PIK3C2A: variants seen among roughly 807,000 people sequenced by gnomAD.
PIK3C2A encodes the protein phosphatidylinositol-4-phosphate 3-kinase catalytic subunit type 2 alpha.
Under a neutral mutation model 204.5 loss-of-function variants are expected in PIK3C2A, and 97 were observed. The ratio of observed to expected loss-of-function variants is 0.47; its 90% confidence interval spans 0.40 to 0.56. The LOEUF (loss-of-function observed/expected upper bound fraction) is 0.56. PIK3C2A is among the 20% of genes least tolerant of loss of function. The pLI is 0.00. For missense variants in PIK3C2A, 1,735 were observed against 1,969.2 expected, an observed-to-expected ratio of 0.88 and a Z score of 2.25; for synonymous variants, 653 against 664.4, an observed-to-expected ratio of 0.98 and a Z score of 0.26.
At chr11:17,140,693 T>C (rs532454613) in intron 8 of PIK3C2A, among the ~76,000 whole-genome samples, 1 of 152,268 alleles carries the variant, frequency 6.6e-6, no homozygotes, top group East Asian at 1.9e-4. Context: ...GGAAACTTTT[T>C]TGGGAGTGAT....
At chr11:17,111,886 A>C (rs1438212504) in intron 21 of PIK3C2A, among the ~76,000 whole-genome samples, 17 of 150,578 alleles carry the variant, frequency 1.1e-4, no homozygotes, top group Admixed American at 2.6e-4. Flanking sequence ...CCAAAACAAA[A>C]AAAAAAAAAA....
At chr11:17,121,318 T>C (rs114031798) in intron 15 of PIK3C2A, among the ~76,000 whole-genome samples, 163 of 151,564 alleles carry the variant, frequency 1.1e-3, no homozygotes, top group African/African-American at 3.7e-3. Flanking sequence ...GGTCTCACTA[T>C]ATTGTCAGTG....
intron 1 of PIK3C2A, among the ~76,000 whole-genome samples, chr11:17,205,107 G>C (rs1852519457): frequency 6.6e-6 from 1 of 151,766 alleles, no homozygotes; most frequent in Non-Finnish European, 1.5e-5. Context: ...AACCCAGAAG[G>C]CAAAAGTTTC....
intron 6 of PIK3C2A, among the ~76,000 whole-genome samples, chr11:17,146,637 C>T (rs1027270944): frequency 6.6e-6 from 1 of 151,576 alleles, no homozygotes; most frequent in Non-Finnish European, 1.5e-5. Flanking sequence ...ATGAGAATCG[C>T]TTGAGGGTGG....
chr11:17,097,108 C>A lies in PIK3C2A; in HGVS notation c.4275G>T (p.Lys1425Asn). The change falls in exon 27 of 33, where the codon AAG becomes AAT. Residue 1425 changes from lysine to asparagine, a missense_variant. Transcript: ENST00000691414. ...TYSFRQDGRI[K>N]EVSVFTYHKK... Reference sequence around the variant, plus strand: ...TATGATATGTAAAAACAGAGACTTCCTTGATTCGACCATCTTGTCTAAAGG... The same window carrying A: ...TATGATATGTAAAAACAGAGACTTCATTGATTCGACCATCTTGTCTAAAGG... 6.2e-7 allele frequency: 1 copy of A among 1,608,482 alleles called. No individual in the cohort carries two copies. Among genetic ancestry groups the A allele is most frequent in the Non-Finnish European group, 8.5e-7 (1 of 1,174,974 alleles).
chr11:17,181,432 T>C (rs1006552699), intron 1 of PIK3C2A, among the ~76,000 whole-genome samples: 13 of 151,432 alleles, frequency 8.6e-5, no homozygotes, highest in African/African-American at 3.2e-4. Context: ...CAATAAAACT[T>C]AGAAACAGGT....
At chr11:17,175,666 A>C (rs547182921) in intron 1 of PIK3C2A, among the ~76,000 whole-genome samples, 2 of 152,332 alleles carry the variant, frequency 1.3e-5, no homozygotes, top group Middle Eastern at 3.4e-3. Flanking sequence ...GAAGATCACA[A>C]GGCTGTAGCT....
At chr11:17,158,062 A>G (rs887002079) in intron 2 of PIK3C2A, among the ~76,000 whole-genome samples, 2 of 152,076 alleles carry the variant, frequency 1.3e-5, no homozygotes, top group Admixed American at 1.3e-4. Flanking sequence ...AAATCTATTA[A>G]TTTTTGGCTG....
intron 2 of PIK3C2A, among the ~76,000 whole-genome samples, chr11:17,158,081 G>C (rs1305299584): frequency 6.6e-6 from 1 of 152,128 alleles, no homozygotes; most frequent in Non-Finnish European, 1.5e-5. Context: ...TGGGCACGGT[G>C]GCTCATGCCT....
intron 1 of PIK3C2A, among the ~76,000 whole-genome samples, chr11:17,207,328 T>C (rs1280317229): frequency 6.6e-6 from 1 of 151,090 alleles, no homozygotes; most frequent in African/African-American, 2.4e-5. Flanking sequence ...GCGGTGGGAG[T>C]GGGGGGTCCG....
At chr11:17,143,512 T>C (rs1376592543) in intron 8 of PIK3C2A, among the ~76,000 whole-genome samples, 1 of 152,022 alleles carries the variant, frequency 6.6e-6, no homozygotes, top group Admixed American at 6.6e-5. Context: ...GCCAACTTTT[T>C]CTGTACAGGG....
chr11:17,156,030 A>G (rs569321531), intron 2 of PIK3C2A, among the ~76,000 whole-genome samples: 76 of 152,200 alleles, frequency 5.0e-4, no homozygotes, highest in Non-Finnish European at 7.9e-4. Context: ...CTATATATTC[A>G]ACTAGGACCC....
chr11:17,149,088 T>C (rs1437007162), intron 4 of PIK3C2A, among the ~76,000 whole-genome samples: 2 of 152,162 alleles, frequency 1.3e-5, no homozygotes, highest in African/African-American at 4.8e-5. Context: ...AAAAACTGCA[T>C]CTGTACTGAA....
chr11:17,156,365 G>A (rs948686847), intron 2 of PIK3C2A, among the ~76,000 whole-genome samples: 2 of 152,138 alleles, frequency 1.3e-5, no homozygotes, highest in African/African-American at 4.8e-5. Flanking sequence ...AGATTTCAAT[G>A]ACTATGGCAC....
At chr11:17,141,312 C>T (rs1850058268) in intron 8 of PIK3C2A, 2 of 146,578 alleles carry the variant, frequency 1.4e-5, no homozygotes. Context: ...GTCTCATTCA[C>T]CCAGACTGGA....
At position 17,093,465 on chromosome 11, in the gene PIK3C2A, C is replaced by T. The variant is rs1442489959; in HGVS notation, c.4451+796G>A. On this transcript the variant is annotated intron_variant, in intron 28 of 32. Transcript: ENST00000691414. ...GTATTTTTTAGAAGAGACGGTTCACCGTGTTAGCCAGGATGGTCTCCATCT... is the reference window on the plus strand; with the variant it reads ...GTATTTTTTAGAAGAGACGGTTCACTGTGTTAGCCAGGATGGTCTCCATCT... 7.9e-5 allele frequency among the ~76,000 whole-genome samples: 12 copies of T among 152,124 alleles called. No homozygotes were observed. In the South Asian group the frequency reaches 2.1e-3, roughly 26 times the overall value.
chr11:17,136,096 CCACTGATTATCAGTGATTAGAACTTCCCT>C (rs2137394253), intron 9 of PIK3C2A, among the ~76,000 whole-genome samples: 1 of 152,242 alleles, frequency 6.6e-6, no homozygotes, highest in East Asian at 1.9e-4. Context: ...GCCACTTCCC[CCACTGATTATCAGTGATTAGAACTTCCCT>C]CACTGATAAT....
At chr11:17,128,119 A>C (rs142142353) in intron 13 of PIK3C2A, among the ~76,000 whole-genome samples, 19 of 152,324 alleles carry the variant, frequency 1.2e-4, no homozygotes, top group African/African-American at 4.6e-4. Context: ...ACTCAGATGA[A>C]TACCTAGCAC....
rs1276763445 is a variant in PIK3C2A at position 17,129,424 on chromosome 11, C to T, written c.2275G>A (p.Val759Ile). The change falls in exon 13 of 33, where the codon GTT (valine) becomes ATT (isoleucine). Residue 759 changes from valine to isoleucine, a missense_variant. Physicochemically the swap from Val to Ile is conservative, Grantham distance 29 (BLOSUM62 3). This residue lies in a region of PIK3C2A where 567 missense variants were observed against 576.0 expected (regional missense o/e 0.98). Transcript: ENST00000691414. ...ATTCCAAAAAGAGTAAGGTGAAGAACTGATTCTAATGGCAATTGTGATATC... is the reference window on the plus strand; with the variant it reads ...ATTCCAAAAAGAGTAAGGTGAAGAATTGATTCTAATGGCAATTGTGATATC... ...IQISQLPLES[V>I]LHLTLFGILN... 6.2e-7 allele frequency: 1 copy of T among 1,610,368 alleles called. No homozygotes were observed. Among genetic ancestry groups the T allele is most frequent in the Non-Finnish European group, 8.5e-7 (1 of 1,176,790 alleles).
Sources: gnomAD v4.1 joint callset for allele counts (sites outside exome capture counted in the v4.1 genomes callset) on GRCh38, gnomAD v4.1.1 for gene constraint, gnomAD v4.1.1 regional missense constraint, MANE v1.5 for transcripts, NCBI Gene and HGNC (gene_info 2026-07-23, HGNC 2026-07-21) for gene names.